Variants in GRK2 observed in about 807,000 individuals in gnomAD.
The protein encoded by GRK2 is G protein-coupled receptor kinase 2.
Under a neutral mutation model 97.8 loss-of-function variants are expected in GRK2, and 23 were observed. The observed-to-expected ratio is 0.24, with a 90% CI of 0.17 to 0.33. The LOEUF is 0.33. Ranked by LOEUF, GRK2 falls within the 10% of genes least tolerant of loss-of-function variation. GRK2 has a pLI of 1.00. For missense variants in GRK2, 633 were observed against 956.9 expected (o/e 0.66, Z 4.47); for synonymous variants, 425 against 381.7 (o/e 1.11, Z -1.32).
At position 67,284,782 on chromosome 11, in the gene GRK2, C is replaced by A. The variant is rs1053604470; in HGVS notation, c.1655-65C>A. ...CCAGCCTGGGCAACAGAGTGGAGAC[C>A]CTGTCTCAAAACAAAAAAGAAACCC... On this transcript the variant is annotated intron_variant, in intron 18 of 20. Transcript: ENST00000308595. 10 of 1,564,256 alleles carry A rather than the reference C, an allele frequency of 6.4e-6. No individual in the cohort carries two copies. The African/African-American group carries it at 1.2e-4, about 19-fold the overall frequency.
chr11:67,284,716 G>C, intron 18 of GRK2, 131 bp from the exon 19 acceptor site: 2 of 1,223,858 alleles, frequency 1.6e-6, no homozygotes, highest in Non-Finnish European at 2.3e-6. Context: ...TTGAACCTGG[G>C]AGGTGGAGGT....
In GRK2 at chr11:67,279,114, C is replaced by T. The variant is rs1290643377; in HGVS notation, c.191-86C>T. On this transcript the variant is annotated intron_variant, in intron 2 of 20. Transcript: ENST00000308595. ...TTGCCACCTCCATAGCCAGTTCTGC[C>T]CAGGGAGCCCAACCCACACCATCCA... 5 of 1,203,628 alleles carry T rather than the reference C, an allele frequency of 4.2e-6. No homozygotes were observed. In the East Asian group the frequency reaches 9.4e-5, roughly 23 times the overall value. The allele number at this position is 1,203,628 out of a possible 1,614,324, so 74.6% of individuals were successfully genotyped here.
At chr11:67,272,141 T>C (rs1440224834) in intron 1 of GRK2, among the ~76,000 whole-genome samples, 3 of 152,128 alleles carry the variant, frequency 2.0e-5, no homozygotes, top group African/African-American at 7.2e-5. Context: ...CCTCCCATCC[T>C]GGGTTCCAGG....
At chr11:67,271,949 C>T (rs1360676313) in intron 1 of GRK2, among the ~76,000 whole-genome samples, 3 of 152,342 alleles carry the variant, frequency 2.0e-5, no homozygotes, top group South Asian at 4.1e-4. Flanking sequence ...CCCTGCTGCA[C>T]TGGTTGGTGA....
rs1261156029 is a variant in GRK2, at chr11:67,284,951, C to T, written c.1759C>T (p.Arg587Cys). ...GCGGTACTTCTACCTGTTCCCCAAC[C>T]GCCTCGAGTGGCGGGGCGAGGGCGA... ...QRRYFYLFPN[R>C]LEWRGEGEAP... Residue 587 changes from arginine to cysteine, a missense_variant, in exon 19 of 21, where the codon CGC becomes TGC. Around this residue, in one of 4 missense-constraint regions of GRK2, gnomAD observed 180 missense variants for 311.3 expected, o/e 0.58. Transcript: ENST00000308595. The T allele has an allele frequency of 6.2e-7, 1 of 1,613,020 alleles. No individual in the cohort carries two copies. Among genetic ancestry groups the T allele is most frequent in the South Asian group, 1.1e-5 (1 of 91,084 alleles).
intron 1 of GRK2, among the ~76,000 whole-genome samples, chr11:67,270,070 A>C (rs1859874934): frequency 6.6e-6 from 1 of 152,068 alleles, no homozygotes; most frequent in Admixed American, 6.6e-5. Context: ...CCTTAGCCCG[A>C]CTGGACCTGC....
In GRK2 at chr11:67,286,245, C is replaced by T. The variant is rs1860278987; in HGVS notation, c.*795C>T. 5 of 584,294 alleles carry T rather than the reference C, an allele frequency of 8.6e-6. No homozygotes were observed. Among genetic ancestry groups the T allele is most frequent in the Middle Eastern group, 4.4e-4 (1 of 2,286 alleles). 36.2% of individuals were successfully genotyped at this position (584,294 alleles called of 1,614,324 possible). On this transcript the variant is annotated 3_prime_UTR_variant, in exon 21 of 21. Transcript: ENST00000308595. The stretch of plus-strand genomic sequence containing the variant: ...CCCAGGACGGGGCCGGCCAGGTGGG[C>T]GGGCAGCACAGCAAGGAGGCTGGCT...
chr11:67,284,451 A>C (rs1590855996), intron 18 of GRK2, 78 bp downstream of exon 18: 1 of 1,497,132 alleles, frequency 6.7e-7, no homozygotes. Flanking sequence ...TAAGGAACTC[A>C]CCCTGGATCA....
chr11:67,284,789 CA>C, intron 18 of GRK2, 57 bp from the exon 19 acceptor site: 1 of 1,578,880 alleles, frequency 6.3e-7, no homozygotes, highest in Non-Finnish European at 8.6e-7. Flanking sequence ...GACCCTGTCT[CA>C]AAACAAAAAA....
Position 67,286,268 on chromosome 11 carries a change from G to T in GRK2, c.*818G>T. 1.6e-6 allele frequency: 1 copy of T among 617,784 alleles called. No homozygotes were observed. The highest frequency in any genetic ancestry group is 2.9e-6 in the Non-Finnish European group (1 of 345,526). 38.3% of individuals were successfully genotyped at this position (617,784 alleles called of 1,614,324 possible). On this transcript the variant is annotated 3_prime_UTR_variant, in exon 21 of 21. Transcript: ENST00000308595. ...GGCGGGCAGCACAGCAAGGAGGCTGGCTGGGGCCTATCAGTGTGCCCCCCA... is the reference window on the plus strand; with the variant it reads ...GGCGGGCAGCACAGCAAGGAGGCTGTCTGGGGCCTATCAGTGTGCCCCCCA...
rs1345619509 is a variant in GRK2 at position 67,277,338 on chromosome 11, C to T, written c.180C>T (p.Ser60=). The T allele has an allele frequency of 1.2e-6, 2 of 1,613,640 alleles. No homozygotes were observed. Among genetic ancestry groups the T allele is most frequent in the East Asian group, 2.2e-5 (1 of 44,872 alleles). ...RGEVTFEKIF[S]QKLGYLLFRD... is the part of the protein sequence containing the mutation. ...AGGTGACCTTTGAGAAGATCTTTTC[C>T]CAGAAGCTGGGTGAGTATGGCAGTG... Residue 60 remains serine (S), a synonymous_variant, in exon 2 of 21, where the codon TCC becomes TCT. Transcript: ENST00000308595.
intron 1 of GRK2, among the ~76,000 whole-genome samples, chr11:67,274,995 G>A (rs1859999134): frequency 1.3e-5 from 2 of 152,176 alleles, no homozygotes; most frequent in African/African-American, 4.8e-5. Flanking sequence ...CATAGGATGC[G>A]AACTCAGGGT....
In GRK2 at chr11:67,281,262, CAG is replaced by C. The variant is rs1445333305; in HGVS notation, c.647+79_647+80del. On this transcript the variant is annotated intron_variant, in intron 8 of 20. Transcript: ENST00000308595. The surrounding 1 kb of genome is among the most constrained non-coding windows in gnomAD (Gnocchi z 5.7). ...GGACCCTGACAGGCCGGGTTCCACA[CAG>C]GGCCACCTGCTGCTCCATGCACTCC... The C allele has an allele frequency of 7.6e-7, 1 of 1,324,442 alleles. No individual in the cohort carries two copies. 82.0% of individuals were successfully genotyped at this position (1,324,442 alleles called of 1,614,324 possible).
At chr11:67,268,348 C>T (rs771960463) in intron 1 of GRK2, among the ~76,000 whole-genome samples, 6 of 152,116 alleles carry the variant, frequency 3.9e-5, no homozygotes, top group Non-Finnish European at 7.4e-5. Context: ...TTGAAAAGGC[C>T]GTTAGGGCCT....
chr11:67,266,944 C>G (rs1859814884), intron 1 of GRK2, 132 bp downstream of exon 1: 1 of 324,248 alleles, frequency 3.1e-6, no homozygotes, highest in Non-Finnish European at 5.3e-6. Flanking sequence ...CTGTCGGCCC[C>G]CCAGCCCGGA....
chr11:67,272,259 A>T (rs1214876903), intron 1 of GRK2, among the ~76,000 whole-genome samples: 1 of 152,152 alleles, frequency 6.6e-6, no homozygotes. Context: ...CAGCTCTTCC[A>T]CAGAGGTCAA....
intron 2 of GRK2, 60 bp from the exon 3 acceptor site, chr11:67,279,140 C>A: frequency 6.9e-7 from 1 of 1,443,040 alleles, no homozygotes; most frequent in Non-Finnish European, 9.7e-7. Flanking sequence ...ACACCATCCA[C>A]AATGATGGGA....
chr11:67,285,047 C>A, intron 19 of GRK2, 28 bp from the exon 20 acceptor site: 2 of 1,612,678 alleles, frequency 1.2e-6, no homozygotes, highest in East Asian at 2.2e-5. Flanking sequence ...CCGGCTCTTA[C>A]CTGCACCACC....
intron 15 of GRK2, 43 bp downstream of exon 15, chr11:67,283,271 C>T: frequency 6.5e-7 from 1 of 1,545,862 alleles, no homozygotes; most frequent in East Asian, 2.2e-5. Context: ...GCTGTGCCCC[C>T]ATGAGGACAA....
Sources: gnomAD v4.1 joint callset for allele counts (sites outside exome capture counted in the v4.1 genomes callset) on GRCh38, gnomAD v4.1.1 for gene constraint, gnomAD v4.1.1 regional missense constraint, Gnocchi (gnomAD v3.1) non-coding constraint, MANE v1.5 for transcripts, NCBI Gene and HGNC (gene_info 2026-07-23, HGNC 2026-07-21) for gene names.